The following CACNA2D4 variants were observed in gnomAD, a reference collection of about 807,000 sequenced individuals.
The protein encoded by CACNA2D4 is calcium voltage-gated channel auxiliary subunit alpha2delta 4, also known as voltage-dependent calcium channel subunit alpha-2/delta-4.
Under a neutral mutation model 163.8 loss-of-function variants are expected in CACNA2D4, and 157 were observed. The observed-to-expected ratio is 0.96, with a 90% confidence interval of 0.84 to 1.09. CACNA2D4 has a LOEUF of 1.09. Ranked by LOEUF, CACNA2D4 falls within the 50% of genes least tolerant of loss-of-function variation. The pLI, the probability that CACNA2D4 is intolerant of heterozygous loss-of-function variation, is 0.00. For missense variants in CACNA2D4, 1,410 were observed against 1,479.9 expected (o/e 0.95, Z 0.78); for synonymous variants, 598 against 586.9 (o/e 1.02, Z -0.27).
Position 1,811,595 on chromosome 12 carries a change from AG to A in CACNA2D4, c.2613+66del, listed in dbSNP as rs531965029. 315 of 1,470,450 alleles carry A rather than the reference AG, an allele frequency of 2.1e-4. No individual in the cohort carries two copies. The African/African-American group carries it at 4.2e-3, about 19-fold the overall frequency. 91.1% of individuals were successfully genotyped at this position (1,470,450 alleles called of 1,614,324 possible). On this transcript the variant is annotated intron_variant, in intron 27 of 37. Transcript: ENST00000382722. ...CAGTGGAGCATCCAAGGGGAGGGAG[AG>A]GGGGTCTCACACCCAGGGGAGCGTG... is the stretch of plus-strand genomic sequence containing the variant.
At chr12:1,884,165 C>G (rs765245881) in intron 12 of CACNA2D4, 78 bp downstream of exon 12, 53 of 1,337,262 alleles carry the variant, frequency 4.0e-5, no homozygotes, top group Non-Finnish European at 5.3e-5. Flanking sequence ...AGCCCGTGCT[C>G]AGCACTTCCA....
At chr12:1,888,270 G>A (rs562559457) in intron 6 of CACNA2D4, among the ~76,000 whole-genome samples, 3 of 152,296 alleles carry the variant, frequency 2.0e-5, no homozygotes, top group South Asian at 2.1e-4. Flanking sequence ...CAAAATCTTC[G>A]AAGAGGACTT....
In CACNA2D4 at chr12:1,793,455, A is replaced by G. The variant is rs1431232988; in HGVS notation, c.*200T>C. 2 of 626,494 alleles carry G rather than the reference A, an allele frequency of 3.2e-6. No individual in the cohort carries two copies. Among genetic ancestry groups the G allele is most frequent in the African/African-American group, 3.6e-5 (2 of 55,110 alleles). 38.8% of individuals were successfully genotyped at this position (626,494 alleles called of 1,614,324 possible). A position where few individuals can be genotyped will look rare whatever the true frequency, so the allele number is the denominator to read the frequency against. On this transcript the variant is annotated 3_prime_UTR_variant, in exon 38 of 38. Transcript: ENST00000382722. ...CAGATGGTACCGGGCACCATGAAGC[A>G]TCTTGAAAGTGGTGCCAGGTGATTG...
chr12:1,866,556 A>C (rs1865654593), intron 18 of CACNA2D4, among the ~76,000 whole-genome samples: 1 of 152,180 alleles, frequency 6.6e-6, no homozygotes, highest in Admixed American at 6.5e-5. Flanking sequence ...GAATTTTCTG[A>C]AGCATTTTTG....
intron 25 of CACNA2D4, among the ~76,000 whole-genome samples, chr12:1,842,408 T>G (rs918083033): frequency 6.6e-5 from 10 of 152,160 alleles, no homozygotes; most frequent in Admixed American, 1.3e-4. Flanking sequence ...AGGCAGCTCG[T>G]CCTCTTTTCC....
intron 6 of CACNA2D4, among the ~76,000 whole-genome samples, chr12:1,903,965 A>C (rs1592746758): frequency 6.6e-6 from 1 of 152,160 alleles, no homozygotes; most frequent in Non-Finnish European, 1.5e-5. Flanking sequence ...ATTTGTAAAC[A>C]ATCTAAATGT....
chr12:1,862,273 CCTTTAT>C (rs1489975274), intron 18 of CACNA2D4, among the ~76,000 whole-genome samples: 5 of 152,198 alleles, frequency 3.3e-5, no homozygotes, highest in African/African-American at 9.6e-5. Flanking sequence ...TGTATGTTTA[CCTTTAT>C]AAGACAACTG....
intron 26 of CACNA2D4, among the ~76,000 whole-genome samples, chr12:1,818,351 T>C (rs1190080144): frequency 6.6e-6 from 1 of 151,830 alleles, no homozygotes; most frequent in Non-Finnish European, 1.5e-5. Flanking sequence ...GGGGAAAAGA[T>C]TGAGAAATCG....
At position 1,846,691 on chromosome 12, in the gene CACNA2D4, T is replaced by C; in HGVS notation, c.2247-2A>G. 1 of 1,592,644 alleles carries C rather than the reference T, an allele frequency of 6.3e-7. No homozygotes were observed. Among genetic ancestry groups the C allele is most frequent in the Admixed American group, 1.7e-5 (1 of 57,916 alleles). ...ATGTCCACCACGTGTTCAGACTCCC[T>C]GTGTGGCAGACAGAGCGGGAATGGT... On this transcript the variant is annotated splice_acceptor_variant, in intron 23 of 37. Transcript: ENST00000382722. LOFTEE classifies it high-confidence loss of function.
chr12:1,863,592 C>G (rs927247743), intron 18 of CACNA2D4, among the ~76,000 whole-genome samples: 7 of 152,138 alleles, frequency 4.6e-5, no homozygotes, highest in Non-Finnish European at 5.9e-5. Flanking sequence ...CTTTGATATT[C>G]TTTCCGCAAT....
At chr12:1,826,309 A>AT (rs1864313045) in intron 26 of CACNA2D4, among the ~76,000 whole-genome samples, 1 of 150,930 alleles carries the variant, frequency 6.6e-6, no homozygotes, top group Admixed American at 6.6e-5. Context: ...CCAAGCAGGT[A>AT]TTGCGGTCAC....
In CACNA2D4 at chr12:1,793,673, C is replaced by T. The variant is rs746171901; in HGVS notation, c.3396G>A (p.Leu1132=). The change falls in exon 38 of 38, where the codon CTG becomes CTA. Residue 1132 remains leucine (L), a synonymous_variant. Coordinates refer to ENST00000382722, the MANE Select transcript of CACNA2D4 (RefSeq NM_172364.5). ...LLLPVCAWGL[L]PQLLR Reference sequence around the variant, plus strand: ...GGTGGTGTCACCGCAGGAGTTGGGGCAGTAGCCCCCAGGCACACACAGGCA... The same window carrying T: ...GGTGGTGTCACCGCAGGAGTTGGGGTAGTAGCCCCCAGGCACACACAGGCA... The T allele has an allele frequency of 1.2e-6, 2 of 1,613,754 alleles. No homozygotes were observed. The highest frequency in any genetic ancestry group is 3.3e-5 in the Admixed American group (2 of 60,036).
intron 35 of CACNA2D4, among the ~76,000 whole-genome samples, chr12:1,796,934 G>C (rs1204024952): frequency 6.6e-6 from 1 of 152,194 alleles, no homozygotes; most frequent in Non-Finnish European, 1.5e-5. Flanking sequence ...GGCTGCCCGC[G>C]GGGCTCCCAG....
chr12:1,842,370 G>A (rs1865044625), intron 25 of CACNA2D4, among the ~76,000 whole-genome samples: 1 of 152,234 alleles, frequency 6.6e-6, no homozygotes, highest in Non-Finnish European at 1.5e-5. Flanking sequence ...TCAGCCTAGA[G>A]AGACAGGCGA....
chr12:1,858,786 T>C lies in CACNA2D4; in HGVS notation c.1941-142A>G, dbSNP rs533026272. ...GTGGTGTGCTCCTCATGCCCCCTTC[T>C]TTACCTCTGGCCTCACAGCCATCCC... On this transcript the variant is annotated intron_variant, in intron 19 of 37. Transcript: ENST00000382722. The C allele has an allele frequency of 2.7e-3, 1,366 of 512,274 alleles. 7 individuals carry two copies. Among genetic ancestry groups the C allele is most frequent in the Non-Finnish European group, 3.5e-3 (1,050 of 299,664 alleles). The allele number at this position is 512,274 out of a possible 1,614,324, so 31.7% of individuals were successfully genotyped here.
intron 29 of CACNA2D4, chr12:1,809,655 C>G: frequency 1.5e-6 from 1 of 680,796 alleles, no homozygotes; most frequent in Non-Finnish European, 2.7e-6. Flanking sequence ...TTTCTGAGCA[C>G]ATGCTGGGTT....
At chr12:1,880,866 A>G (rs1297969480) in intron 13 of CACNA2D4, among the ~76,000 whole-genome samples, 5 of 152,226 alleles carry the variant, frequency 3.3e-5, no homozygotes, top group South Asian at 2.1e-4. Flanking sequence ...TTAGGAATGC[A>G]TGAAGCCAGC....
intron 26 of CACNA2D4, among the ~76,000 whole-genome samples, chr12:1,818,960 C>G (rs796386537): frequency 2.0e-5 from 3 of 146,864 alleles, no homozygotes; most frequent in Non-Finnish European, 1.5e-5. Flanking sequence ...ATCCCCCTCT[C>G]CGAGAAACAC....
intron 35 of CACNA2D4, among the ~76,000 whole-genome samples, chr12:1,796,167 C>T (rs1215629698): frequency 2.0e-5 from 3 of 152,194 alleles, no homozygotes; most frequent in Admixed American, 2.0e-4. Context: ...CCGGGCGAAG[C>T]GGCAGCGCTG....
Sources: gnomAD v4.1 joint callset for allele counts (sites outside exome capture counted in the v4.1 genomes callset) on GRCh38, gnomAD v4.1.1 for gene constraint, MANE v1.5 for transcripts, NCBI Gene and HGNC (gene_info 2026-07-23, HGNC 2026-07-21) for gene names.